Variants in DNTTIP2 observed in about 807,000 individuals in gnomAD.
The protein encoded by DNTTIP2 is deoxynucleotidyltransferase terminal interacting protein 2.
DNTTIP2 carries 47 observed loss-of-function variants against 62.4 expected under a neutral mutation model. The ratio of observed to expected loss-of-function variants is 0.75; its 90% confidence interval spans 0.60 to 0.96. DNTTIP2 has a LOEUF of 0.96. Ranked by LOEUF, DNTTIP2 falls within the 40% of genes least tolerant of loss-of-function variation. DNTTIP2 has a pLI of 0.00. For missense variants in DNTTIP2, 870 were observed against 849.1 expected, an observed-to-expected ratio of 1.02 and a Z score of -0.31; for synonymous variants, 322 against 300.9, an observed-to-expected ratio of 1.07 and a Z score of -0.73.
chr1:93,878,228 C>T (rs1478036900), intron 1 of DNTTIP2, among the ~76,000 whole-genome samples: 1 of 152,048 alleles, frequency 6.6e-6, no homozygotes, highest in African/African-American at 2.4e-5. Context: ...TGTTGGAATC[C>T]GGGAGGCAGA....
rs1656041121 is a variant in DNTTIP2, at chr1:93,877,456, G to GT, written c.478dup (p.Thr160AsnfsTer8). On this transcript the variant is annotated frameshift_variant, in exon 2 of 7. Coordinates refer to ENST00000436063, the MANE Select transcript of DNTTIP2 (RefSeq NM_014597.5). LOFTEE classifies it high-confidence loss of function. ...AGCCTTACTTCTTCTGGCTCCTGTA[G>GT]TTTTTTCTGTAGGAAGCACAATTCT... The GT allele has an allele frequency of 1.9e-6, 3 of 1,613,830 alleles. No individual in the cohort carries two copies. The highest frequency in any genetic ancestry group is 2.2e-5 in the East Asian group (1 of 44,880).
chr1:93,872,794 G>GTAACATTAC (rs1655903242), intron 4 of DNTTIP2, among the ~76,000 whole-genome samples: 1 of 151,962 alleles, frequency 6.6e-6, no homozygotes, highest in African/African-American at 2.4e-5. Flanking sequence ...CCATATTACA[G>GTAACATTAC]TAACATTACT....
chr1:93,868,755 G>GA lies in DNTTIP2; in HGVS notation c.*1095dup, dbSNP rs1283966389. 1 of 152,056 alleles carries GA rather than the reference G, an allele frequency of 6.6e-6. No homozygotes were observed. Among genetic ancestry groups the GA allele is most frequent in the African/African-American group, 2.4e-5 (1 of 41,396 alleles). 9.4% of individuals were successfully genotyped at this position (152,056 alleles called of 1,614,324 possible). On this transcript the variant is annotated 3_prime_UTR_variant, in exon 7 of 7. Coordinates refer to ENST00000436063, the MANE Select transcript of DNTTIP2 (RefSeq NM_014597.5). ...AGAACAGAAAACTAACACAAGAACA[G>GA]AAAACCAAACACTGCATGTTCTTAC... is the stretch of plus-strand genomic sequence containing the variant.
At chr1:93,871,478 A>C (rs1036307639) in intron 5 of DNTTIP2, among the ~76,000 whole-genome samples, 24 of 129,756 alleles carry the variant, frequency 1.8e-4, no homozygotes, top group Non-Finnish European at 2.7e-4. Context: ...AAATTTCACC[A>C]AACAAACAAG....
chr1:93,872,282 T>C (rs1445433746), intron 4 of DNTTIP2, 46 bp from the exon 5 acceptor site: 4 of 1,569,912 alleles, frequency 2.5e-6, no homozygotes, highest in Middle Eastern at 1.7e-4. Context: ...GCTAAGAGTA[T>C]ACATTATAAT....
At chr1:93,878,695 G>C in intron 1 of DNTTIP2, 1 of 171,054 alleles carries the variant, frequency 5.8e-6, no homozygotes, top group Non-Finnish European at 1.3e-5. Flanking sequence ...ACAGCTGCCA[G>C]CCTCCCCACG....
At position 93,879,155 on chromosome 1, in the gene DNTTIP2, G is replaced by A. The variant is rs775794883; in HGVS notation, c.-7C>T. 37 of 1,611,828 alleles carry A rather than the reference G, an allele frequency of 2.3e-5. No homozygotes were observed. The highest frequency in any genetic ancestry group is 1.6e-4 in the Middle Eastern group (1 of 6,074). On this transcript the variant is annotated 5_prime_UTR_variant, in exon 1 of 7. Transcript: ENST00000436063. ...CAGATCTGGTAACCACCATCTTTCC[G>A]GCTCCCTCGCGACCACCACGACTTC...
Position 93,870,737 on chromosome 1 carries a change from T to C in DNTTIP2, c.2123A>G (p.Lys708Arg). The C allele has an allele frequency of 6.3e-7, 1 of 1,575,378 alleles. No homozygotes were observed. The highest frequency in any genetic ancestry group is 1.2e-5 in the South Asian group (1 of 85,018). The change falls in exon 6 of 7, where the codon AAG becomes AGG. Residue 708 changes from lysine (K) to arginine (R), a missense_variant. Physicochemically the swap from Lys to Arg is conservative, Grantham distance 26. Coordinates refer to ENST00000436063, the MANE Select transcript of DNTTIP2 (RefSeq NM_014597.5). Reference sequence around the variant, plus strand: ...TTCCACAATAGTTCTTTTCCTTTGCTTCTTGGGAATTCGTGAATGGTAGAA... The same window carrying C: ...TTCCACAATAGTTCTTTTCCTTTGCCTCTTGGGAATTCGTGAATGGTAGAA... ...ADFYHSRIPK[K>R]QRKRTIVEEL...
intron 1 of DNTTIP2, 98 bp downstream of exon 1, chr1:93,878,979 C>T (rs531153665): frequency 2.0e-6 from 3 of 1,467,506 alleles, no homozygotes; most frequent in East Asian, 4.8e-5. Flanking sequence ...TCCTCTCTGT[C>T]GGCAGGTCCT....
chr1:93,879,011 G>A (rs1274129203), intron 1 of DNTTIP2, 66 bp downstream of exon 1: 2 of 1,588,934 alleles, frequency 1.3e-6, no homozygotes, highest in Non-Finnish European at 1.7e-6. Flanking sequence ...GGACCCTTGC[G>A]CCGCCCCGCC....
At chr1:93,871,745 G>A (rs553326947) in intron 5 of DNTTIP2, among the ~76,000 whole-genome samples, 5 of 152,288 alleles carry the variant, frequency 3.3e-5, no homozygotes, top group East Asian at 1.9e-4. Flanking sequence ...ATTAGTACAC[G>A]TGATACCCTT....
At position 93,867,978 on chromosome 1, in the gene DNTTIP2, T is replaced by A. The variant is rs923631186; in HGVS notation, c.*1873A>T. ...TGCATGACTAAAACACCAAAAGCAA[T>A]GGCAACAAAAGGCAAAATTGACAAG... On this transcript the variant is annotated 3_prime_UTR_variant, in exon 7 of 7. Coordinates refer to ENST00000436063, the MANE Select transcript of DNTTIP2 (RefSeq NM_014597.5). 2.0e-5 allele frequency: 3 copies of A among 152,100 alleles called. No homozygotes were observed. The highest frequency in any genetic ancestry group is 7.2e-5 in the African/African-American group (3 of 41,414). 9.4% of individuals were successfully genotyped at this position (152,100 alleles called of 1,614,324 possible).
intron 5 of DNTTIP2, 100 bp from the exon 6 acceptor site, chr1:93,870,892 C>A: frequency 1.9e-6 from 1 of 534,970 alleles, no homozygotes. Flanking sequence ...ATGGAAAGAA[C>A]AAGCTTACAT....
chr1:93,871,996 T>A, intron 5 of DNTTIP2, 76 bp downstream of exon 5: 2 of 1,498,066 alleles, frequency 1.3e-6, no homozygotes, highest in South Asian at 2.4e-5. Flanking sequence ...ATTTTAGGAG[T>A]AAACTTTAAA....
At chr1:93,874,592 C>CT (rs1479288373) in intron 3 of DNTTIP2, among the ~76,000 whole-genome samples, 1 of 152,102 alleles carries the variant, frequency 6.6e-6, no homozygotes, top group Non-Finnish European at 1.5e-5. Context: ...CAGATGACAG[C>CT]TGGGTGGGGT....
In DNTTIP2 at chr1:93,879,027, G is replaced by A. The variant is rs778421003; in HGVS notation, c.72+50C>T. On this transcript the variant is annotated intron_variant, in intron 1 of 6. Transcript: ENST00000436063. ...GACCCTTGCGCCGCCCCGCCTGCCTGAGCGCGGCTCTGCGAAGCGGCGAGA... is the reference window on the plus strand; with the variant it reads ...GACCCTTGCGCCGCCCCGCCTGCCTAAGCGCGGCTCTGCGAAGCGGCGAGA... 43 of 1,606,230 alleles carry A rather than the reference G, an allele frequency of 2.7e-5. 1 individual carries two copies. In the Admixed American group the frequency reaches 2.7e-4, roughly 10 times the overall value.
Position 93,867,317 on chromosome 1 carries a change from G to T in DNTTIP2, c.*2534C>A, listed in dbSNP as rs527604555. On this transcript the variant is annotated 3_prime_UTR_variant, in exon 7 of 7. Transcript: ENST00000436063. ...TTTTCTGGTATAAAGCCTTCAAATAGTTCCAGTTGGCTGGGCATGGTGGCT... is the reference window on the plus strand; with the variant it reads ...TTTTCTGGTATAAAGCCTTCAAATATTTCCAGTTGGCTGGGCATGGTGGCT... 4.0e-5 allele frequency: 6 copies of T among 151,662 alleles called. No individual in the cohort carries two copies. Among genetic ancestry groups the T allele is most frequent in the African/African-American group, 1.5e-4 (6 of 41,322 alleles). The allele number at this position is 151,662 out of a possible 1,614,324, so 9.4% of individuals were successfully genotyped here.
At position 93,879,153 on chromosome 1, in the gene DNTTIP2, C is replaced by T. The variant is rs765435788; in HGVS notation, c.-5G>A. ...TGCAGATCTGGTAACCACCATCTTT[C>T]CGGCTCCCTCGCGACCACCACGACT... On this transcript the variant is annotated 5_prime_UTR_variant, in exon 1 of 7. Transcript: ENST00000436063. 1.5e-5 allele frequency: 24 copies of T among 1,612,372 alleles called. No individual in the cohort carries two copies. Among genetic ancestry groups the T allele is most frequent in the Non-Finnish European group, 3.4e-6 (4 of 1,179,520 alleles).
chr1:93,868,197 A>G lies in DNTTIP2; in HGVS notation c.*1654T>C, dbSNP rs1655768373. On this transcript the variant is annotated 3_prime_UTR_variant, in exon 7 of 7. Transcript: ENST00000436063. ...CAAAAAGTGGGTGAAGGATATGAAC[A>G]GACACTTCTCAAAAGAAGACATTTA... The G allele has an allele frequency of 6.6e-6, 1 of 152,268 alleles. No homozygotes were observed. The highest frequency in any genetic ancestry group is 1.5e-5 in the Non-Finnish European group (1 of 68,050). The allele number at this position is 152,268 out of a possible 1,614,324, so 9.4% of individuals were successfully genotyped here. A position where few individuals can be genotyped will look rare whatever the true frequency, so the allele number is the denominator to read the frequency against.
Sources: allele counts gnomAD v4.1 joint callset (sites outside exome capture counted in the v4.1 genomes callset), GRCh38; gene constraint gnomAD v4.1.1; transcripts MANE v1.5; gene names NCBI Gene and HGNC (gene_info 2026-07-23, HGNC 2026-07-21).